Variants in FRYL observed in about 807,000 individuals in gnomAD.
The protein encoded by FRYL is FRY like transcription coactivator.
A neutral mutation model predicts 351.2 loss-of-function variants in FRYL; 150 were observed. The observed-to-expected ratio is 0.43, with a 90% CI of 0.37 to 0.49. The LOEUF (loss-of-function observed/expected upper bound fraction) is 0.49, where lower values mean the gene tolerates loss of function less well. FRYL is among the 20% of genes least tolerant of loss of function. The pLI is 0.00. For missense variants in FRYL, 3,036 were observed against 3,619.3 expected (o/e 0.84, Z 4.13); for synonymous variants, 1,153 against 1,257.1 (o/e 0.92, Z 1.75).
At chr4:48,561,724 C>CAGCTGGGGAGAAGAGTTT in intron 32 of FRYL, 88 bp from the exon 33 acceptor site, 1 of 1,056,132 alleles carries the variant, frequency 9.5e-7, no homozygotes, top group Non-Finnish European at 1.3e-6. Context: ...TAAAAAAACT[C>CAGCTGGGGAGAAGAGTTT]TTCTCCCCAG....
At chr4:48,691,269 T>C (rs1166950074) in intron 2 of FRYL, among the ~76,000 whole-genome samples, 7 of 152,190 alleles carry the variant, frequency 4.6e-5, no homozygotes, top group Non-Finnish European at 1.0e-4. Flanking sequence ...ACAAATTTAT[T>C]TGCAAAGACG....
chr4:48,627,912 A>G (rs1305702682), intron 4 of FRYL, among the ~76,000 whole-genome samples: 2 of 152,050 alleles, frequency 1.3e-5, no homozygotes, highest in African/African-American at 4.8e-5. Context: ...CTGGGATTAC[A>G]GGCGCCTACT....
chr4:48,615,965 C>G (rs1749341119), intron 7 of FRYL, among the ~76,000 whole-genome samples: 1 of 152,034 alleles, frequency 6.6e-6, no homozygotes, highest in Non-Finnish European at 1.5e-5. Flanking sequence ...AACACAAGAA[C>G]AGAAAACCAA....
chr4:48,730,512 C>T (rs1770602926), intron 1 of FRYL, among the ~76,000 whole-genome samples: 1 of 152,168 alleles, frequency 6.6e-6, no homozygotes, highest in Non-Finnish European at 1.5e-5. Flanking sequence ...AAAAGGGAAG[C>T]CCATCAGAAT....
At chr4:48,739,047 G>A (rs1329101883) in intron 1 of FRYL, among the ~76,000 whole-genome samples, 1 of 152,138 alleles carries the variant, frequency 6.6e-6, no homozygotes, top group Non-Finnish European at 1.5e-5. Flanking sequence ...AGACAAGGGT[G>A]AAAGAACAGA....
chr4:48,558,542 T>G (rs574515975), intron 33 of FRYL, among the ~76,000 whole-genome samples: 1 of 152,364 alleles, frequency 6.6e-6, no homozygotes, highest in East Asian at 1.9e-4. Context: ...ACTAAACAAT[T>G]CTGGAACTTA....
At chr4:48,632,305 A>C (rs1321110442) in intron 4 of FRYL, among the ~76,000 whole-genome samples, 1 of 149,776 alleles carries the variant, frequency 6.7e-6, no homozygotes, top group African/African-American at 2.4e-5. Flanking sequence ...TTATACCATA[A>C]TCTTTAGTTT....
chr4:48,606,331 TA>T, intron 10 of FRYL, 106 bp downstream of exon 10: 1 of 677,486 alleles, frequency 1.5e-6, no homozygotes, highest in Non-Finnish European at 2.4e-6. Flanking sequence ...AATAAGAGAC[TA>T]AAAATGATGC....
chr4:48,692,949 C>A (rs1193927809), intron 2 of FRYL, among the ~76,000 whole-genome samples: 3 of 152,166 alleles, frequency 2.0e-5, no homozygotes, highest in East Asian at 3.8e-4. Context: ...AATCTTTGTA[C>A]ACATCTTTGA....
At chr4:48,687,419 A>C (rs954550358) in intron 2 of FRYL, among the ~76,000 whole-genome samples, 1 of 145,206 alleles carries the variant, frequency 6.9e-6, no homozygotes, top group African/African-American at 2.5e-5. Flanking sequence ...ATAATGTGGA[A>C]GCTTCCATGT....
At chr4:48,609,611 C>G (rs982981754) in intron 8 of FRYL, 133 bp downstream of exon 8, 1 of 459,356 alleles carries the variant, frequency 2.2e-6, no homozygotes, top group South Asian at 3.5e-5. Flanking sequence ...GAAAGTGAGA[C>G]CTTGCCTCAA....
chr4:48,773,108 C>CA (rs534064716), intron 1 of FRYL, among the ~76,000 whole-genome samples: 4 of 152,142 alleles, frequency 2.6e-5, no homozygotes, highest in Non-Finnish European at 5.9e-5. Flanking sequence ...GAGACAACTA[C>CA]AAAAAATTCT....
chr4:48,557,171 A>T, intron 34 of FRYL, 53 bp from the exon 35 acceptor site: 1 of 1,537,594 alleles, frequency 6.5e-7, no homozygotes, highest in Non-Finnish European at 8.8e-7. Context: ...TATTATAAAA[A>T]CCAAACTTGT....
chr4:48,620,579 T>C (rs1391807512), intron 6 of FRYL, 60 bp downstream of exon 6: 2 of 1,504,180 alleles, frequency 1.3e-6, no homozygotes, highest in Non-Finnish European at 1.8e-6. Context: ...GTTGATAATA[T>C]CACCCCTTCA....
chr4:48,592,591 A>G (rs1378751302), intron 16 of FRYL, among the ~76,000 whole-genome samples: 1 of 152,190 alleles, frequency 6.6e-6, no homozygotes, highest in Non-Finnish European at 1.5e-5. Flanking sequence ...ATGGATGTTC[A>G]AGAAAATATC....
chr4:48,621,369 T>C (rs976005338), intron 5 of FRYL, among the ~76,000 whole-genome samples: 1 of 152,212 alleles, frequency 6.6e-6, no homozygotes, highest in African/African-American at 2.4e-5. Flanking sequence ...AAGTGTACTG[T>C]GATGAACAAA....
chr4:48,739,713 C>T (rs1578885844), intron 1 of FRYL, among the ~76,000 whole-genome samples: 1 of 152,124 alleles, frequency 6.6e-6, no homozygotes, highest in African/African-American at 2.4e-5. Context: ...AAGCTGGTAT[C>T]ACGGTTTGAA....
intron 13 of FRYL, among the ~76,000 whole-genome samples, chr4:48,596,718 A>C (rs1246202266): frequency 2.6e-5 from 4 of 152,174 alleles, no homozygotes; most frequent in Non-Finnish European, 4.4e-5. Context: ...TAAGGACATT[A>C]TTTAAATTAT....
rs1768557499 is a variant in FRYL, at chr4:48,714,810, A to G, written c.-383-4112T>C. Among the ~76,000 whole-genome samples the G allele has an allele frequency of 2.0e-5, 3 of 149,886 alleles. 1 individual carries two copies. Among genetic ancestry groups the G allele is most frequent in the South Asian group, 4.3e-4 (2 of 4,604 alleles). ...ATCCTGATACCAAAGCCGGGCAGAG[A>G]CACAACCAAAAAAGAGAATTTTAGA... On this transcript the variant is annotated intron_variant, in intron 1 of 63. Coordinates refer to ENST00000358350, the MANE Select transcript of FRYL (RefSeq NM_015030.2).
Sources: gnomAD v4.1 joint callset for allele counts (sites outside exome capture counted in the v4.1 genomes callset) on GRCh38, gnomAD v4.1.1 for gene constraint, MANE v1.5 for transcripts, NCBI Gene and HGNC (gene_info 2026-07-23, HGNC 2026-07-21) for gene names.